STRN4: variants seen among roughly 807,000 people sequenced by gnomAD.
The protein encoded by STRN4 is striatin-4.
In STRN4, 27 loss-of-function variants were observed where a neutral mutation model predicts 77.9. The observed-to-expected ratio is 0.35, with a 90% CI of 0.26 to 0.48. The LOEUF is 0.48. STRN4 is among the 20% of genes least tolerant of loss of function. STRN4 has a pLI of 0.99. For synonymous variants in STRN4, 466 were observed against 443.1 expected, an observed-to-expected ratio of 1.05 and a Z score of -0.65; for missense variants, 798 against 1,049.7, an observed-to-expected ratio of 0.76 and a Z score of 3.31.
At position 46,728,788 on chromosome 19, in the gene STRN4, G is replaced by C; in HGVS notation, c.880-11C>G. The C allele has an allele frequency of 6.2e-7, 1 of 1,613,742 alleles. No homozygotes were observed. The highest frequency in any genetic ancestry group is 8.5e-7 in the Non-Finnish European group (1 of 1,179,704). The stretch of plus-strand genomic sequence containing the variant: ...AGCCTTGGATGGGAGCTGGCACATG[G>C]AGAAAGCCAGACAAGTCAGGGGGCC... On this transcript the variant is annotated splice_polypyrimidine_tract_variant and intron_variant, in intron 6 of 17. Transcript: ENST00000263280.
chr19:46,727,378 A>G, intron 9 of STRN4, 74 bp downstream of exon 9: 1 of 1,313,482 alleles, frequency 7.6e-7, no homozygotes, highest in African/African-American at 1.5e-5. Context: ...GGCGGCACCC[A>G]GTCAGAGCTT....
chr19:46,722,461 T>C (rs1000783398), intron 14 of STRN4, 121 bp from the exon 15 acceptor site: 2 of 1,074,362 alleles, frequency 1.9e-6, no homozygotes, highest in African/African-American at 3.1e-5. Flanking sequence ...CGAGGGGGGC[T>C]GGGCGAGGGC....
Position 46,721,174 on chromosome 19 carries a change from C to T in STRN4, c.2093-403G>A, listed in dbSNP as rs190846406. ...GGAGCCTTCCAGGCAGAAGGACAGG[C>T]GGGAAAGGTCCTGAGGCAGGAGGTG... On this transcript the variant is annotated intron_variant, in intron 16 of 17. Coordinates refer to ENST00000263280, the MANE Select transcript of STRN4 (RefSeq NM_013403.3). 7.1e-3 allele frequency: 1,161 copies of T among 162,536 alleles called. 10 individuals carry two copies. Among genetic ancestry groups the T allele is most frequent in the African/African-American group, 0.026 (1,100 of 41,910 alleles). The allele number at this position is 162,536 out of a possible 1,614,324, so 10.1% of individuals were successfully genotyped here. A position where few individuals can be genotyped will look rare whatever the true frequency, so the allele number is the denominator to read the frequency against.
intron 3 of STRN4, among the ~76,000 whole-genome samples, chr19:46,737,856 G>A (rs1302100129): frequency 6.6e-6 from 1 of 152,024 alleles, no homozygotes; most frequent in Non-Finnish European, 1.5e-5. Flanking sequence ...CGGCTTTCCC[G>A]CACCGTCCCC....
At chr19:46,735,896 A>T (rs1224870150) in intron 4 of STRN4, among the ~76,000 whole-genome samples, 1 of 151,726 alleles carries the variant, frequency 6.6e-6, no homozygotes, top group African/African-American at 2.4e-5. Flanking sequence ...CCCGGGAGGC[A>T]GAGGTTGCAG....
chr19:46,731,170 G>C (rs2054242276), intron 5 of STRN4, among the ~76,000 whole-genome samples: 10 of 152,194 alleles, frequency 6.6e-5, no homozygotes, highest in Admixed American at 5.9e-4. Flanking sequence ...ATCCTGTGCT[G>C]AGTCAGAAGG....
intron 16 of STRN4, 24 bp downstream of exon 16, chr19:46,721,962 G>A: frequency 6.2e-7 from 1 of 1,612,798 alleles, no homozygotes; most frequent in Non-Finnish European, 8.5e-7. Context: ...CCCAACCCTG[G>A]TGGGACTAGT....
In STRN4 at chr19:46,725,709, C is replaced by T. The variant is rs112394321; in HGVS notation, c.1249-61G>A. The T allele has an allele frequency of 3.3e-4, 514 of 1,574,542 alleles. 2 individuals carry two copies. In the African/African-American group the frequency reaches 5.6e-3, roughly 17 times the overall value. ...TCCATCCCAGCAGTCATGCAGACAC[C>T]GACACCCAGGGCTTGAGGGCCCCTG... On this transcript the variant is annotated intron_variant, in intron 9 of 17. Transcript: ENST00000263280.
Position 46,723,265 on chromosome 19 carries a change from G to A in STRN4, c.1614C>T (p.His538=), listed in dbSNP as rs1182548364. 39 of 1,548,094 alleles carry A rather than the reference G, an allele frequency of 2.5e-5. No individual in the cohort carries two copies. The highest frequency in any genetic ancestry group is 9.7e-5 in the East Asian group (4 of 41,074). Residue 538 remains histidine, a synonymous_variant, in exon 13 of 18, where the codon CAC becomes CAT. Transcript: ENST00000263280. This position sits in a 1 kb window ranked among gnomAD's most constrained non-coding sequence, Gnocchi z 5.5. Reference sequence around the variant, plus strand: ...CGGCGTCCCCGTGGCCCTCCAGGACGTGGCTCAGCACGCTTGGGTCTGCAC... The same window carrying A: ...CGGCGTCCCCGTGGCCCTCCAGGACATGGCTCAGCACGCTTGGGTCTGCAC... ...YDGYDPSVLS[H]VLEGHGDAVW... is the part of the protein sequence containing the mutation.
At chr19:46,742,256 C>T (rs554881336) in intron 1 of STRN4, among the ~76,000 whole-genome samples, 1 of 152,288 alleles carries the variant, frequency 6.6e-6, no homozygotes, top group Admixed American at 6.5e-5. Flanking sequence ...CCTTCCTGCT[C>T]CAAACTTATG....
At chr19:46,739,785 C>G (rs2054440727) in intron 1 of STRN4, among the ~76,000 whole-genome samples, 1 of 152,238 alleles carries the variant, frequency 6.6e-6, no homozygotes, top group South Asian at 2.1e-4. Flanking sequence ...TCCATTTGCC[C>G]CTCTAGAAAA....
chr19:46,737,593 C>T (rs943144371), intron 3 of STRN4, among the ~76,000 whole-genome samples: 1 of 151,758 alleles, frequency 6.6e-6, no homozygotes, highest in Non-Finnish European at 1.5e-5. Flanking sequence ...TGACCGACTC[C>T]CTGTCCCCTA....
In STRN4 at chr19:46,727,466, C is replaced by T; in HGVS notation, c.1234G>A (p.Asp412Asn). The T allele has an allele frequency of 6.2e-7, 1 of 1,613,872 alleles. No individual in the cohort carries two copies. The highest frequency in any genetic ancestry group is 8.5e-7 in the Non-Finnish European group (1 of 1,179,858). Reference sequence around the variant, plus strand: ...GGAGAACTTACATCGCAGCTGAGGTCGTTGTCGTTGGTGACGGTGAGATCT... The same window carrying T: ...GGAGAACTTACATCGCAGCTGAGGTTGTTGTCGTTGGTGACGGTGAGATCT... ...LADLTVTNDN[D>N]LSCDLSDSKD... The change falls in exon 9 of 18, where the codon GAC becomes AAC. Residue 412 changes from aspartate (D) to asparagine (N), a missense_variant. Physicochemically the swap from Asp to Asn is conservative, Grantham distance 23. This residue lies in a region of STRN4 where 511 missense variants were observed against 575.9 expected (regional missense o/e 0.89). Coordinates refer to ENST00000263280, the MANE Select transcript of STRN4 (RefSeq NM_013403.3).
At chr19:46,724,952 AG>A (rs774255980) in intron 11 of STRN4, 24 bp from the exon 12 acceptor site, 1 of 1,613,610 alleles carries the variant, frequency 6.2e-7, no homozygotes, top group Non-Finnish European at 8.5e-7. Flanking sequence ...ATATGTGGAA[AG>A]GGGGATGAGA....
At position 46,725,397 on chromosome 19, in the gene STRN4, A is replaced by T; in HGVS notation, c.1425-18T>A. On this transcript the variant is annotated intron_variant, in intron 10 of 17. Coordinates refer to ENST00000263280, the MANE Select transcript of STRN4 (RefSeq NM_013403.3). ...CCGCATTCCTGTGGGATGACAGAGG[A>T]GCCTGATGTCACTGAGACCCTGTCA... The T allele has an allele frequency of 6.2e-7, 1 of 1,614,028 alleles. No individual in the cohort carries two copies. Among genetic ancestry groups the T allele is most frequent in the South Asian group, 1.1e-5 (1 of 91,082 alleles).
intron 1 of STRN4, among the ~76,000 whole-genome samples, chr19:46,739,113 G>A (rs544771220): frequency 1.5e-4 from 23 of 152,350 alleles, no homozygotes; most frequent in African/African-American, 5.1e-4. Flanking sequence ...AACGAGGGCC[G>A]AAGGGGAGCC....
intron 1 of STRN4, among the ~76,000 whole-genome samples, chr19:46,742,118 C>T (rs377754948): frequency 3.9e-5 from 6 of 152,322 alleles, no homozygotes; most frequent in East Asian, 1.9e-4. Flanking sequence ...TACAGCTCTG[C>T]GGTCCCCTGC....
chr19:46,734,661 G>GT, intron 4 of STRN4, among the ~76,000 whole-genome samples: 1 of 152,178 alleles, frequency 6.6e-6, no homozygotes, highest in Non-Finnish European at 1.5e-5. Context: ...AGAGATGTTC[G>GT]TAACTCTTTT....
intron 9 of STRN4, 87 bp from the exon 10 acceptor site, chr19:46,725,735 T>C: frequency 6.7e-7 from 1 of 1,495,024 alleles, no homozygotes; most frequent in Non-Finnish European, 9.0e-7. Context: ...AGGGCCCCTG[T>C]CTTCCACCCA....
Sources: gnomAD v4.1 joint callset for allele counts (sites outside exome capture counted in the v4.1 genomes callset) on GRCh38, gnomAD v4.1.1 for gene constraint, gnomAD v4.1.1 regional missense constraint, Gnocchi (gnomAD v3.1) non-coding constraint, MANE v1.5 for transcripts, NCBI Gene and HGNC (gene_info 2026-07-23, HGNC 2026-07-21) for gene names.